GAS7: variants seen among roughly 807,000 people sequenced by gnomAD.
GAS7 encodes the protein growth arrest specific 7.
Under a neutral mutation model 71.1 loss-of-function variants are expected in GAS7, and 28 were observed. The ratio of observed to expected loss-of-function variants is 0.39; its 90% CI spans 0.29 to 0.54. GAS7 has a LOEUF of 0.54. GAS7 is among the 20% of genes least tolerant of loss of function. The pLI is 0.62. For synonymous variants in GAS7, 258 were observed against 245.8 expected (o/e 1.05, Z -0.46); for missense variants, 436 against 627.8 (o/e 0.69, Z 3.27).
Position 10,099,976 on chromosome 17 carries a change from A to G in GAS7, c.184-80079T>C, listed in dbSNP as rs532840133. ...TCAAGAAATATTCTTAGCTTCTTAG[A>G]CCAGTTCCCTTAGCACCTACATAGA... On this transcript the variant is annotated intron_variant, in intron 1 of 13. Transcript: ENST00000432992. Among the ~76,000 whole-genome samples, 52 of 152,314 alleles carry G rather than the reference A, an allele frequency of 3.4e-4. No homozygotes were observed. In the South Asian group the frequency reaches 0.011, roughly 32 times the overall value.
rs141788233 is a variant in GAS7, at chr17:9,982,638, G to A, written c.305-754C>T. 2.5e-4 allele frequency among the ~76,000 whole-genome samples: 38 copies of A among 152,060 alleles called. No homozygotes were observed. The East Asian group carries it at 6.0e-3, about 24-fold the overall frequency. On this transcript the variant is annotated intron_variant, in intron 2 of 13. Transcript: ENST00000432992. ...CTAAAAACACAAAAATTAGCCAGGCGTGGTGGCACGTGCCTGTGATCCCAG... is the reference window on the plus strand; with the variant it reads ...CTAAAAACACAAAAATTAGCCAGGCATGGTGGCACGTGCCTGTGATCCCAG...
intron 5 of GAS7, among the ~76,000 whole-genome samples, chr17:9,958,304 T>C (rs1012355036): frequency 1.3e-5 from 2 of 152,246 alleles, no homozygotes; most frequent in African/African-American, 2.4e-5. Context: ...TCACTACATG[T>C]GCATAATAAG....
intron 2 of GAS7, among the ~76,000 whole-genome samples, chr17:10,008,250 G>T (rs952472332): frequency 6.6e-6 from 1 of 152,186 alleles, no homozygotes; most frequent in Non-Finnish European, 1.5e-5. Flanking sequence ...ATACAGCTAG[G>T]AGTGGAATAT....
intron 1 of GAS7, among the ~76,000 whole-genome samples, chr17:10,152,180 C>T (rs1045322679): frequency 2.6e-5 from 4 of 152,138 alleles, no homozygotes; most frequent in Non-Finnish European, 4.4e-5. Flanking sequence ...AACTTAGCAA[C>T]GTATCTTGGT....
intron 1 of GAS7, among the ~76,000 whole-genome samples, chr17:10,118,205 G>T (rs894225067): frequency 6.6e-6 from 1 of 152,086 alleles, no homozygotes; most frequent in African/African-American, 2.4e-5. Flanking sequence ...AGTAAACAGG[G>T]ATATCGCCTG....
At chr17:9,917,376 G>A (rs1244779407) in intron 13 of GAS7, 35 bp from the exon 14 acceptor site, 5 of 1,459,134 alleles carry the variant, frequency 3.4e-6, no homozygotes, top group Non-Finnish European at 2.9e-6. Context: ...CACTGTTAGA[G>A]ACGGCGGCCA....
At chr17:10,075,800 T>TAA (rs79319593) in intron 1 of GAS7, among the ~76,000 whole-genome samples, 5 of 131,116 alleles carry the variant, frequency 3.8e-5, no homozygotes, top group African/African-American at 1.4e-4. Flanking sequence ...ATCTCAGTTT[T>TAA]AAAAAAAAAA....
intron 2 of GAS7, among the ~76,000 whole-genome samples, chr17:10,017,489 C>T (rs145399111): frequency 4.1e-4 from 63 of 152,084 alleles, no homozygotes; most frequent in East Asian, 1.4e-3. Context: ...CCACCACACC[C>T]GGATAATTTT....
intron 1 of GAS7, among the ~76,000 whole-genome samples, chr17:10,187,707 A>G (rs2074465933): frequency 6.6e-6 from 1 of 152,026 alleles, no homozygotes; most frequent in Non-Finnish European, 1.5e-5. Flanking sequence ...GGCTGTTTCC[A>G]AAAAAAATCA....
At chr17:9,956,928 G>A (rs1286508529) in intron 5 of GAS7, among the ~76,000 whole-genome samples, 1 of 152,202 alleles carries the variant, frequency 6.6e-6, no homozygotes, top group East Asian at 1.9e-4. Flanking sequence ...CCCAGAGGAA[G>A]AGGCTGGGCA....
chr17:10,153,465 G>A (rs2074182444), intron 1 of GAS7, among the ~76,000 whole-genome samples: 1 of 147,212 alleles, frequency 6.8e-6, no homozygotes, highest in South Asian at 2.1e-4. Flanking sequence ...GCAGTGAGCT[G>A]AGATCATGCC....
chr17:10,176,145 G>A (rs1254274544), intron 1 of GAS7, among the ~76,000 whole-genome samples: 1 of 152,236 alleles, frequency 6.6e-6, no homozygotes, highest in East Asian at 1.9e-4. Flanking sequence ...GGAGGCAACA[G>A]AGCTCTTACT....
At chr17:9,960,596 A>C (rs997451345) in intron 4 of GAS7, among the ~76,000 whole-genome samples, 1 of 152,186 alleles carries the variant, frequency 6.6e-6, no homozygotes, top group Admixed American at 6.5e-5. Context: ...ACCGGCTTGG[A>C]GTGGGGGGCA....
intron 7 of GAS7, among the ~76,000 whole-genome samples, chr17:9,942,825 G>A (rs1022324207): frequency 6.6e-6 from 1 of 152,208 alleles, no homozygotes; most frequent in African/African-American, 2.4e-5. Context: ...TGAGGGATGT[G>A]GAGGCAATCC....
At chr17:9,932,423 G>C (rs2068243001) in intron 9 of GAS7, among the ~76,000 whole-genome samples, 1 of 152,144 alleles carries the variant, frequency 6.6e-6, no homozygotes, top group Non-Finnish European at 1.5e-5. Flanking sequence ...TCGATCTCAT[G>C]ATCTCATGAT....
In GAS7 at chr17:10,002,927, G is replaced by A. The variant is rs147992403; in HGVS notation, c.304+16850C>T. 4.1e-4 allele frequency among the ~76,000 whole-genome samples: 62 copies of A among 152,280 alleles called. No individual in the cohort carries two copies. In the East Asian group the frequency reaches 0.011, roughly 26 times the overall value. On this transcript the variant is annotated intron_variant, in intron 2 of 13. Coordinates refer to ENST00000432992, the MANE Select transcript of GAS7 (RefSeq NM_201433.2). ...TCATAATTCTTTGGGTATATACCCA[G>A]CAATAGGATGGCTGGGTCAAATGGT... is the stretch of plus-strand genomic sequence containing the variant.
intron 1 of GAS7, among the ~76,000 whole-genome samples, chr17:10,182,678 T>G (rs2074425323): frequency 6.6e-6 from 1 of 152,118 alleles, no homozygotes. Context: ...AGCAAGGACC[T>G]GAGAGTTCCA....
intron 1 of GAS7, among the ~76,000 whole-genome samples, chr17:10,134,107 T>C (rs2074019964): frequency 6.6e-6 from 1 of 152,130 alleles, no homozygotes; most frequent in Non-Finnish European, 1.5e-5. Flanking sequence ...CTCCGCTCAC[T>C]GCAAGCTCTG....
intron 7 of GAS7, among the ~76,000 whole-genome samples, chr17:9,941,302 G>A (rs957819262): frequency 6.6e-6 from 1 of 152,120 alleles, no homozygotes; most frequent in African/African-American, 2.4e-5. Context: ...TCCAGACTGT[G>A]GTCAAGAGAG....
Sources: allele counts gnomAD v4.1 joint callset (sites outside exome capture counted in the v4.1 genomes callset), GRCh38; gene constraint gnomAD v4.1.1; transcripts MANE v1.5; gene names NCBI Gene and HGNC (gene_info 2026-07-23, HGNC 2026-07-21).